Variants in SUGCT observed in about 807,000 individuals in gnomAD.
SUGCT encodes succinyl-CoA:glutarate CoA-transferase.
A neutral mutation model predicts 55.0 loss-of-function variants in SUGCT; 41 were observed. The observed-to-expected ratio is 0.74, with a 90% CI of 0.58 to 0.97. The LOEUF is 0.97. SUGCT is among the 50% of genes least tolerant of loss of function. The probability of loss-of-function intolerance (pLI) is 0.00; values close to 1 mark genes in which losing one functional copy is unlikely to be tolerated. For synonymous variants in SUGCT, 187 were observed against 200.4 expected (o/e 0.93, Z 0.56); for missense variants, 568 against 547.8 (o/e 1.04, Z -0.37).
chr7:40,405,473 T>C (rs938296056), intron 9 of SUGCT, among the ~76,000 whole-genome samples: 2 of 152,218 alleles, frequency 1.3e-5, no homozygotes, highest in African/African-American at 4.8e-5. Flanking sequence ...CTTCTTATAA[T>C]ATCAGCTACT....
At chr7:40,293,342 G>T (rs950140822) in intron 8 of SUGCT, among the ~76,000 whole-genome samples, 9 of 152,094 alleles carry the variant, frequency 5.9e-5, no homozygotes, top group African/African-American at 2.2e-4. Flanking sequence ...AACGTTGGCT[G>T]CCCATTGGAA....
At chr7:40,640,617 T>A (rs1800227826) in intron 12 of SUGCT, among the ~76,000 whole-genome samples, 1 of 152,200 alleles carries the variant, frequency 6.6e-6, no homozygotes, top group East Asian at 1.9e-4. Context: ...GAAAAATGAT[T>A]TTCTACCTTA....
intron 12 of SUGCT, among the ~76,000 whole-genome samples, chr7:40,565,973 ACACACACACACACACACACG>A (rs1221003650): frequency 2.3e-3 from 259 of 112,864 alleles, no homozygotes; most frequent in African/African-American, 8.2e-3. Flanking sequence ...CATATCACAC[ACACACACACACACACACACG>A]CACACACACA....
chr7:40,924,857 A>T, the SUGCT span, among the ~76,000 whole-genome samples: 2 of 152,344 alleles, frequency 1.3e-5, no homozygotes, highest in East Asian at 3.9e-4. Context: ...AACTTTCTTC[A>T]TTCACAGATT....
chr7:40,710,680 A>G (rs1316080781), intron 12 of SUGCT, among the ~76,000 whole-genome samples: 2 of 152,236 alleles, frequency 1.3e-5, no homozygotes, highest in Non-Finnish European at 2.9e-5. Context: ...CTAGGAAAAA[A>G]AGAGATGCTA....
At chr7:40,399,073 C>G (rs1158703333) in intron 9 of SUGCT, among the ~76,000 whole-genome samples, 1 of 152,128 alleles carries the variant, frequency 6.6e-6, no homozygotes, top group Admixed American at 6.5e-5. Flanking sequence ...GATGATTATA[C>G]ATTATCACCC....
intron 9 of SUGCT, among the ~76,000 whole-genome samples, chr7:40,359,142 CTGTCA>C (rs1798024547): frequency 6.6e-6 from 1 of 152,098 alleles, no homozygotes; most frequent in Admixed American, 6.6e-5. Flanking sequence ...GCTTTATGTT[CTGTCA>C]TGTATGTATG....
intron 6 of SUGCT, among the ~76,000 whole-genome samples, chr7:40,220,035 G>C (rs1232529161): frequency 6.6e-6 from 1 of 152,128 alleles, no homozygotes; most frequent in South Asian, 2.1e-4. Context: ...TTTGATTTGA[G>C]AATAGGAGAC....
At chr7:40,827,535 C>T (rs888510472) in intron 13 of SUGCT, among the ~76,000 whole-genome samples, 3 of 152,130 alleles carry the variant, frequency 2.0e-5, no homozygotes, top group African/African-American at 7.2e-5. Context: ...CCTGTCTGTT[C>T]TCAAGTCAAC....
At chr7:40,167,018 A>G (rs1784456631) in intron 1 of SUGCT, among the ~76,000 whole-genome samples, 1 of 152,238 alleles carries the variant, frequency 6.6e-6, no homozygotes, top group Non-Finnish European at 1.5e-5. Context: ...TGCACTTACC[A>G]TATAACTCAG....
the SUGCT span, among the ~76,000 whole-genome samples, chr7:40,891,642 G>C: frequency 6.6e-6 from 1 of 152,130 alleles, no homozygotes; most frequent in Non-Finnish European, 1.5e-5. Context: ...ATTACCACTA[G>C]ACCTACTTTA....
intron 7 of SUGCT, among the ~76,000 whole-genome samples, chr7:40,270,135 C>CAA (rs1186152626): frequency 6.4e-3 from 426 of 66,582 alleles, no homozygotes; most frequent in African/African-American, 0.016. Context: ...GACCCTTTCT[C>CAA]AAAAAAAAAA....
chr7:40,674,656 T>C (rs953754154), intron 12 of SUGCT, among the ~76,000 whole-genome samples: 2 of 152,012 alleles, frequency 1.3e-5, no homozygotes, highest in Non-Finnish European at 2.9e-5. Flanking sequence ...AAAAATAAAT[T>C]GGGAAATGTA....
intron 12 of SUGCT, among the ~76,000 whole-genome samples, chr7:40,510,593 T>C (rs997065155): frequency 3.3e-5 from 5 of 152,128 alleles, no homozygotes; most frequent in Admixed American, 1.3e-4. Context: ...GTGGTTCTAT[T>C]AAGTAAGGAA....
chr7:40,495,935 A>G (rs1473792736), intron 11 of SUGCT, among the ~76,000 whole-genome samples: 1 of 152,210 alleles, frequency 6.6e-6, no homozygotes, highest in Non-Finnish European at 1.5e-5. Flanking sequence ...GATTTCCACT[A>G]CCTGAGACCT....
intron 9 of SUGCT, among the ~76,000 whole-genome samples, chr7:40,370,160 G>A (rs922544192): frequency 1.3e-5 from 2 of 152,126 alleles, no homozygotes; most frequent in African/African-American, 2.4e-5. Context: ...ATCCATGACC[G>A]AAGCATAACT....
At chr7:40,440,145 GTTTTTTT>G (rs138984553) in intron 9 of SUGCT, among the ~76,000 whole-genome samples, 2,107 of 68,260 alleles carry the variant, frequency 0.031, 93 homozygotes, top group African/African-American at 0.13. Context: ...GTGTGTGTGT[GTTTTTTT>G]TTTTTTTTTT....
chr7:40,508,579 G>T (rs1017462524), intron 12 of SUGCT, among the ~76,000 whole-genome samples: 9 of 143,194 alleles, frequency 6.3e-5, no homozygotes, highest in African/African-American at 2.1e-4. Flanking sequence ...GATGGTGGAG[G>T]TTAATGGAAT....
chr7:40,143,511 A>G (rs1788091122), intron 1 of SUGCT, among the ~76,000 whole-genome samples: 1 of 152,196 alleles, frequency 6.6e-6, no homozygotes, highest in African/African-American at 2.4e-5. Context: ...TGACTGGATG[A>G]CCACCCTAGT....
Sources: gnomAD v4.1 joint callset for allele counts (sites outside exome capture counted in the v4.1 genomes callset) on GRCh38, gnomAD v4.1.1 for gene constraint, MANE v1.5 for transcripts, NCBI Gene and HGNC (gene_info 2026-07-23, HGNC 2026-07-21) for gene names.